Variants in DHX30 observed in about 807,000 individuals in gnomAD.
DHX30 encodes the protein DExH-box helicase 30, also known as ATP-dependent RNA helicase DHX30.
Under a neutral mutation model 116.9 loss-of-function variants are expected in DHX30, and 4 were observed. The ratio of observed to expected loss-of-function variants is 0.03; its 90% CI spans 0.02 to 0.08. The LOEUF (loss-of-function observed/expected upper bound fraction) is 0.08. Among genes scored for constraint, DHX30 ranks in the 10% least tolerant of loss-of-function variants. The probability of loss-of-function intolerance (pLI) is 1.00; values close to 1 mark genes in which losing one functional copy is unlikely to be tolerated. For missense variants in DHX30, 871 were observed against 1,595.1 expected (o/e 0.55, Z 7.73); for synonymous variants, 697 against 651.7 (o/e 1.07, Z -1.06).
intron 10 of DHX30, 141 bp from the exon 11 acceptor site, chr3:47,846,024 G>T (rs1386803510): frequency 7.2e-7 from 1 of 1,390,234 alleles, no homozygotes; most frequent in Non-Finnish European, 9.7e-7. Context: ...CAAGGATCCC[G>T]GGGCAGTCAT....
intron 4 of DHX30, 77 bp downstream of exon 4, chr3:47,818,194 T>C: frequency 1.4e-6 from 1 of 732,288 alleles, no homozygotes; most frequent in Non-Finnish European, 2.6e-6. Context: ...GGAGCCCTGG[T>C]GCCAGGGCCA....
At chr3:47,840,516 G>C (rs2037326115) in intron 6 of DHX30, among the ~76,000 whole-genome samples, 1 of 151,856 alleles carries the variant, frequency 6.6e-6, no homozygotes, top group Admixed American at 6.6e-5. Context: ...CATGCCTTTA[G>C]TCCCAGTTAC....
chr3:47,849,620 T>C lies in DHX30; in HGVS notation c.3192-10T>C. The C allele has an allele frequency of 6.2e-7, 1 of 1,614,118 alleles. No individual in the cohort carries two copies. Among genetic ancestry groups the C allele is most frequent in the Non-Finnish European group, 8.5e-7 (1 of 1,179,984 alleles). ...CAAAAGGGTGGCCTCACCAGCCCTG[T>C]GTTCCCTAGGGAGGCCACACGGTTA... On this transcript the variant is annotated splice_polypyrimidine_tract_variant and intron_variant, in intron 20 of 21. Transcript: ENST00000445061.
At chr3:47,836,623 A>G (rs2037129819) in intron 6 of DHX30, among the ~76,000 whole-genome samples, 1 of 151,850 alleles carries the variant, frequency 6.6e-6, no homozygotes, top group South Asian at 2.1e-4. Context: ...GGTTTAAGCG[A>G]TTCTCCTGCC....
At chr3:47,819,415 GCCCCA>G in intron 4 of DHX30, 1 of 707,104 alleles carries the variant, frequency 1.4e-6, no homozygotes, top group Non-Finnish European at 2.4e-6. Flanking sequence ...CTCTGGGGCA[GCCCCA>G]CAAGTGCTGT....
At chr3:47,844,755 G>A (rs2037525959) in intron 9 of DHX30, among the ~76,000 whole-genome samples, 1 of 152,240 alleles carries the variant, frequency 6.6e-6, no homozygotes, top group African/African-American at 2.4e-5. Flanking sequence ...GTATTGGAAT[G>A]CTATGTTTTA....
chr3:47,814,948 T>A (rs1043741414), intron 3 of DHX30, among the ~76,000 whole-genome samples: 3 of 151,906 alleles, frequency 2.0e-5, no homozygotes, highest in Non-Finnish European at 4.4e-5. Flanking sequence ...GTTCTCAAAC[T>A]CCTGGCTTCA....
intron 6 of DHX30, chr3:47,830,773 T>G (rs2036809136): frequency 6.6e-6 from 1 of 152,202 alleles, no homozygotes; most frequent in Non-Finnish European, 1.5e-5. Flanking sequence ...TTTTGTATTT[T>G]TTGTAGAGAT....
intron 6 of DHX30, among the ~76,000 whole-genome samples, chr3:47,835,897 C>T (rs187066412): frequency 1.4e-4 from 22 of 152,232 alleles, no homozygotes; most frequent in Non-Finnish European, 2.9e-5. Flanking sequence ...TGGCCAGGGG[C>T]CATTTGGCAA....
chr3:47,820,975 A>T (rs1030915082), intron 4 of DHX30, among the ~76,000 whole-genome samples: 4 of 147,766 alleles, frequency 2.7e-5, no homozygotes, highest in African/African-American at 1.0e-4. Flanking sequence ...TATTTATGAG[A>T]TGGAGTCTCA....
Position 47,849,762 on chromosome 3 carries a change from C to A in DHX30, c.3324C>A (p.His1108Gln). 6.2e-7 allele frequency: 1 copy of A among 1,612,682 alleles called. No homozygotes were observed. Among genetic ancestry groups the A allele is most frequent in the South Asian group, 1.1e-5 (1 of 90,896 alleles). Residue 1108 changes from histidine to glutamine, a missense_variant, in exon 21 of 22, where the codon CAC (histidine) becomes CAA (glutamine). By Grantham distance (24) the His-to-Gln change is conservative (BLOSUM62 0). Around this residue, in one of 13 missense-constraint regions of DHX30, gnomAD observed 238 missense variants for 481.0 expected, o/e 0.49. Coordinates refer to ENST00000445061, the MANE Select transcript of DHX30 (RefSeq NM_138615.3). Reference sequence around the variant, plus strand: ...TGCTGCTGACCGACGGGGACGTGCACATCCGTGGTGGGTGCCTGCAGGCCT... The same window carrying A: ...TGCTGCTGACCGACGGGGACGTGCAAATCCGTGGTGGGTGCCTGCAGGCCT... ...AVLLLTDGDV[H>Q]IRDDGRRATI...
chr3:47,826,635 C>T (rs1443415991), intron 4 of DHX30, among the ~76,000 whole-genome samples: 1 of 152,048 alleles, frequency 6.6e-6, no homozygotes, highest in Non-Finnish European at 1.5e-5. Context: ...TTAGTAGAGA[C>T]GAGGTTTCAC....
At chr3:47,825,700 C>T (rs967481735) in intron 4 of DHX30, among the ~76,000 whole-genome samples, 2 of 152,076 alleles carry the variant, frequency 1.3e-5, no homozygotes, top group South Asian at 4.2e-4. Context: ...CTGTTGAAAG[C>T]ATCAAGGATG....
chr3:47,823,279 G>C (rs1402862513), intron 4 of DHX30, among the ~76,000 whole-genome samples: 3 of 151,486 alleles, frequency 2.0e-5, no homozygotes, highest in Non-Finnish European at 4.4e-5. Flanking sequence ...TTCAAGATGA[G>C]ATTTGGGTGG....
chr3:47,827,570 A>G (rs2036603310), intron 5 of DHX30, 93 bp downstream of exon 5: 3 of 1,481,202 alleles, frequency 2.0e-6, no homozygotes, highest in Non-Finnish European at 2.7e-6. Context: ...CAAGGAGGCC[A>G]TAGAATGGGT....
At chr3:47,825,392 G>C in intron 4 of DHX30, 1 of 524,854 alleles carries the variant, frequency 1.9e-6, no homozygotes, top group Non-Finnish European at 3.3e-6. Context: ...GGCGGGCAGC[G>C]GCCTTGCTGT....
chr3:47,811,085 G>T (rs2035768102), intron 3 of DHX30, among the ~76,000 whole-genome samples: 1 of 151,898 alleles, frequency 6.6e-6, no homozygotes, highest in Admixed American at 6.6e-5. Flanking sequence ...TAGTAGCTGG[G>T]ATTACAGGAA....
At chr3:47,836,592 C>G (rs2037127641) in intron 6 of DHX30, among the ~76,000 whole-genome samples, 1 of 151,670 alleles carries the variant, frequency 6.6e-6, no homozygotes, top group Admixed American at 6.6e-5. Context: ...AATCTCGGCT[C>G]ACTGCAACGT....
At chr3:47,816,523 A>T (rs1402521393) in intron 3 of DHX30, 2 of 932,334 alleles carry the variant, frequency 2.1e-6, no homozygotes, top group Non-Finnish European at 2.6e-6. Flanking sequence ...ATGCCCTGCC[A>T]ATTTTTGTAT....
Sources: gnomAD v4.1 joint callset for allele counts (sites outside exome capture counted in the v4.1 genomes callset) on GRCh38, gnomAD v4.1.1 for gene constraint, gnomAD v4.1.1 regional missense constraint, MANE v1.5 for transcripts, NCBI Gene and HGNC (gene_info 2026-07-23, HGNC 2026-07-21) for gene names.